ARHGAP24: variants seen among roughly 807,000 people sequenced by gnomAD.
ARHGAP24 encodes rho GTPase-activating protein 24.
ARHGAP24 carries 50 observed loss-of-function variants against 76.4 expected under a neutral mutation model. The observed-to-expected ratio is 0.65, with a 90% confidence interval of 0.52 to 0.83. The LOEUF (loss-of-function observed/expected upper bound fraction) is 0.83, where lower values mean the gene tolerates loss of function less well. Among genes scored for constraint, ARHGAP24 ranks in the 40% least tolerant of loss-of-function variants. ARHGAP24 has a pLI of 0.00. For synonymous variants in ARHGAP24, 345 were observed against 323.3 expected, an observed-to-expected ratio of 1.07 and a Z score of -0.72; for missense variants, 930 against 914.2, an observed-to-expected ratio of 1.02 and a Z score of -0.22.
chr4:85,728,330 T>G (rs1266742353), intron 3 of ARHGAP24, among the ~76,000 whole-genome samples: 2 of 151,998 alleles, frequency 1.3e-5, no homozygotes, highest in African/African-American at 4.8e-5. Flanking sequence ...GACTGTAGTT[T>G]AAGAATAATA....
chr4:85,738,694 T>G (rs1383237588), intron 3 of ARHGAP24, among the ~76,000 whole-genome samples: 2 of 152,206 alleles, frequency 1.3e-5, no homozygotes, highest in Admixed American at 6.5e-5. Flanking sequence ...GCTCTTACAT[T>G]TATGTCTATT....
chr4:85,864,424 A>G (rs578094857), intron 3 of ARHGAP24, among the ~76,000 whole-genome samples: 71 of 152,056 alleles, frequency 4.7e-4, no homozygotes, highest in Non-Finnish European at 9.1e-4. Flanking sequence ...GCCAAAGAAA[A>G]CAGTACAGTT....
At chr4:85,645,407 A>C (rs1476035325) in intron 2 of ARHGAP24, among the ~76,000 whole-genome samples, 1 of 152,116 alleles carries the variant, frequency 6.6e-6, no homozygotes, top group Non-Finnish European at 1.5e-5. Flanking sequence ...GGATGCATTA[A>C]AAATCAGAGA....
chr4:85,681,467 C>T (rs1372055585), intron 2 of ARHGAP24, among the ~76,000 whole-genome samples: 1 of 152,202 alleles, frequency 6.6e-6, no homozygotes, highest in East Asian at 1.9e-4. Flanking sequence ...ACATTCAACT[C>T]TCCACTTCCC....
intron 2 of ARHGAP24, among the ~76,000 whole-genome samples, chr4:85,626,895 T>C: frequency 6.6e-6 from 1 of 152,216 alleles, no homozygotes; most frequent in East Asian, 1.9e-4. Flanking sequence ...GCATTTGTCA[T>C]GTAGCTCTCG....
At chr4:85,476,657 C>G (rs10012534) in intron 1 of ARHGAP24, among the ~76,000 whole-genome samples, 3,346 of 152,222 alleles carry the variant, frequency 0.022, 126 homozygotes, top group African/African-American at 0.077. Flanking sequence ...AGAAGATGTA[C>G]AGACGGATTA....
rs538783058 is a variant in ARHGAP24, at chr4:85,795,475, AT to A, written c.268+73508del. 1.6e-3 allele frequency among the ~76,000 whole-genome samples: 238 copies of A among 152,168 alleles called. 1 individual carries two copies. Among genetic ancestry groups the A allele is most frequent in the African/African-American group, 5.6e-3 (232 of 41,464 alleles). On this transcript the variant is annotated intron_variant, in intron 3 of 9. Transcript: ENST00000395184. The stretch of plus-strand genomic sequence containing the variant: ...TTTAGTGGCAAATTCTACCTAGAAT[AT>A]TTTTCTTGTCATTTTAATTATTTGG...
intron 3 of ARHGAP24, among the ~76,000 whole-genome samples, chr4:85,746,158 G>C (rs1193140041): frequency 1.3e-5 from 2 of 152,212 alleles, no homozygotes; most frequent in Non-Finnish European, 2.9e-5. Flanking sequence ...CTTTTCCCAA[G>C]TGGGAAAGAA....
At chr4:85,542,401 C>A (rs1283419283) in intron 1 of ARHGAP24, among the ~76,000 whole-genome samples, 2 of 152,126 alleles carry the variant, frequency 1.3e-5, no homozygotes, top group African/African-American at 2.4e-5. Flanking sequence ...TGTAGGAATT[C>A]TCTTGTAGCT....
At chr4:85,532,677 C>G (rs758046088) in intron 1 of ARHGAP24, among the ~76,000 whole-genome samples, 2 of 152,152 alleles carry the variant, frequency 1.3e-5, no homozygotes, top group Non-Finnish European at 2.9e-5. Context: ...GAGCAGTTAT[C>G]ATCTGACAAT....
chr4:85,985,692 G>A (rs951648618), intron 8 of ARHGAP24, among the ~76,000 whole-genome samples: 2 of 152,204 alleles, frequency 1.3e-5, no homozygotes, highest in Non-Finnish European at 2.9e-5. Flanking sequence ...AAGAGAGGTA[G>A]TGATCAGACT....
At chr4:85,751,108 T>A (rs1726246127) in intron 3 of ARHGAP24, among the ~76,000 whole-genome samples, 1 of 152,250 alleles carries the variant, frequency 6.6e-6, no homozygotes, top group South Asian at 2.1e-4. Flanking sequence ...ATTTATGTGT[T>A]TATTTATAAA....
At chr4:85,537,309 A>G (rs1725504614) in intron 1 of ARHGAP24, among the ~76,000 whole-genome samples, 1 of 152,152 alleles carries the variant, frequency 6.6e-6, no homozygotes, top group South Asian at 2.1e-4. Context: ...CACATTGACT[A>G]TTGATGCAAG....
chr4:85,769,568 A>AGCTT (rs1426132412), intron 3 of ARHGAP24, among the ~76,000 whole-genome samples: 2 of 152,168 alleles, frequency 1.3e-5, no homozygotes, highest in Non-Finnish European at 2.9e-5. Context: ...AGATATTGAT[A>AGCTT]GCTTGATATC....
intron 3 of ARHGAP24, among the ~76,000 whole-genome samples, chr4:85,839,586 G>T (rs1225201889): frequency 6.6e-6 from 1 of 151,970 alleles, no homozygotes; most frequent in Non-Finnish European, 1.5e-5. Context: ...GAGTAGCTGG[G>T]ACTACAGGCA....
intron 1 of ARHGAP24, among the ~76,000 whole-genome samples, chr4:85,511,587 C>T (rs1724284666): frequency 6.6e-6 from 1 of 152,066 alleles, no homozygotes; most frequent in Non-Finnish European, 1.5e-5. Flanking sequence ...CTCAGCCTCC[C>T]GAGTAGCTGG....
intron 2 of ARHGAP24, among the ~76,000 whole-genome samples, chr4:85,602,307 T>C (rs1347630830): frequency 2.0e-5 from 3 of 152,174 alleles, no homozygotes; most frequent in Non-Finnish European, 4.4e-5. Context: ...ATCTCAGCAT[T>C]CTGATTAAAA....
chr4:85,733,844 G>T (rs1339999672), intron 3 of ARHGAP24, among the ~76,000 whole-genome samples: 1 of 152,142 alleles, frequency 6.6e-6, no homozygotes, highest in African/African-American at 2.4e-5. Context: ...TAAAGACCCT[G>T]TCTCCAAATG....
intron 8 of ARHGAP24, chr4:85,992,058 G>A (rs1221234784): frequency 4.3e-5 from 17 of 396,622 alleles, no homozygotes; most frequent in African/African-American, 1.4e-4. Context: ...TTGCTGGATC[G>A]TGTAGCACAG....
Sources: gnomAD v4.1 joint callset for allele counts (sites outside exome capture counted in the v4.1 genomes callset) on GRCh38, gnomAD v4.1.1 for gene constraint, MANE v1.5 for transcripts, NCBI Gene and HGNC (gene_info 2026-07-23, HGNC 2026-07-21) for gene names.